The following GRIP1 variants were observed in gnomAD, a reference collection of about 807,000 sequenced individuals.
GRIP1 encodes the protein glutamate receptor-interacting protein 1.
Under a neutral mutation model 129.9 loss-of-function variants are expected in GRIP1, and 45 were observed. The ratio of observed to expected loss-of-function variants is 0.35; its 90% CI spans 0.27 to 0.44. The LOEUF (loss-of-function observed/expected upper bound fraction) is 0.44. Among genes scored for constraint, GRIP1 ranks in the 20% least tolerant of loss-of-function variants. GRIP1 has a pLI of 1.00. For missense variants in GRIP1, 1,196 were observed against 1,396.8 expected (o/e 0.86, Z 2.29); for synonymous variants, 530 against 520.8 (o/e 1.02, Z -0.24).
chr12:66,898,812 G>A (rs2137260577), intron 1 of GRIP1, among the ~76,000 whole-genome samples: 1 of 152,274 alleles, frequency 6.6e-6, no homozygotes, highest in Admixed American at 6.5e-5. Flanking sequence ...TAACTACCTT[G>A]AAATTACTCT....
At chr12:66,681,205 C>T (rs1467014991), upstream of GRIP1, among the ~76,000 whole-genome samples, 1 of 152,092 alleles carries the variant, frequency 6.6e-6, no homozygotes, top group Non-Finnish European at 1.5e-5. Flanking sequence ...ATGGAGCCTC[C>T]TGGAGTAATT....
At chr12:66,544,236 A>C (rs2061876127) in intron 2 of GRIP1, among the ~76,000 whole-genome samples, 2 of 152,316 alleles carry the variant, frequency 1.3e-5, no homozygotes, top group South Asian at 4.1e-4. Flanking sequence ...CCTAAGAGCT[A>C]ATTTTAATAA....
At chr12:66,938,207 C>T (rs1453982712) in intron 1 of GRIP1, among the ~76,000 whole-genome samples, 1 of 151,928 alleles carries the variant, frequency 6.6e-6, no homozygotes, top group East Asian at 1.9e-4. Flanking sequence ...GAAGCACTGT[C>T]TCTACTAAAA....
intron 2 of GRIP1, among the ~76,000 whole-genome samples, chr12:66,592,685 C>G (rs933258464): frequency 6.6e-6 from 1 of 152,168 alleles, no homozygotes; most frequent in Non-Finnish European, 1.5e-5. Flanking sequence ...GTGTAGTATC[C>G]TGTCTTCCCT....
chr12:66,889,216 T>G (rs911373563), intron 1 of GRIP1, among the ~76,000 whole-genome samples: 4 of 152,206 alleles, frequency 2.6e-5, no homozygotes, highest in Non-Finnish European at 4.4e-5. Flanking sequence ...TCCCAGCACC[T>G]TGGGAGGCCG....
intron 1 of GRIP1, among the ~76,000 whole-genome samples, chr12:66,744,633 G>A (rs966952837): frequency 6.6e-6 from 1 of 152,096 alleles, no homozygotes; most frequent in Non-Finnish European, 1.5e-5. Context: ...TTCATTGCCT[G>A]GTTCTCCTAG....
chr12:66,476,238 C>T (rs1379661603), intron 7 of GRIP1, among the ~76,000 whole-genome samples: 1 of 152,178 alleles, frequency 6.6e-6, no homozygotes, highest in Non-Finnish European at 1.5e-5. Context: ...CTATAAACAC[C>T]TCTATGCAAA....
At chr12:67,036,023 G>A (rs1363772151) in intron 1 of GRIP1, among the ~76,000 whole-genome samples, 1 of 152,118 alleles carries the variant, frequency 6.6e-6, no homozygotes, top group Non-Finnish European at 1.5e-5. Flanking sequence ...CTGGAAGGTT[G>A]ATGTAAATAT....
intron 1 of GRIP1, among the ~76,000 whole-genome samples, chr12:67,058,538 T>C (rs2043476031): frequency 6.6e-6 from 1 of 152,246 alleles, no homozygotes; most frequent in Non-Finnish European, 1.5e-5. Flanking sequence ...GCAATTACAC[T>C]ACTGACTATG....
At position 66,353,470 on chromosome 12, in the gene GRIP1, G is replaced by C; in HGVS notation, c.3106C>G (p.Pro1036Ala). 1 of 1,612,896 alleles carries C rather than the reference G, an allele frequency of 6.2e-7. No homozygotes were observed. The highest frequency in any genetic ancestry group is 8.5e-7 in the Non-Finnish European group (1 of 1,178,980). The change falls in exon 24 of 25, where the codon CCA becomes GCA. Residue 1036 changes from proline (P) to alanine (A), a missense_variant. This residue lies in a region of GRIP1 where 427 missense variants were observed against 463.3 expected (regional missense o/e 0.92). Transcript: ENST00000359742. ...EKGVYVKNIRPAGPGDLGGLK... is the reference protein window; with the variant it reads ...EKGVYVKNIRAAGPGDLGGLK... ...CCACCAAGATCTCCTGGCCCAGCTG[G>C]GCGAATATTTTTGACATACACTCCT...
intron 2 of GRIP1, among the ~76,000 whole-genome samples, chr12:66,582,212 A>G (rs1404007475): frequency 2.7e-5 from 4 of 149,682 alleles, no homozygotes; most frequent in African/African-American, 9.8e-5. Flanking sequence ...ACAACCCTTC[A>G]TGCTAAAAAC....
At chr12:66,532,960 A>C (rs2061500841) in intron 4 of GRIP1, among the ~76,000 whole-genome samples, 1 of 152,242 alleles carries the variant, frequency 6.6e-6, no homozygotes, top group Non-Finnish European at 1.5e-5. Flanking sequence ...ATTATAGGGC[A>C]GACTGTTTTT....
upstream of GRIP1, among the ~76,000 whole-genome samples, chr12:66,679,464 A>AAG (rs398044433): frequency 1.4e-5 from 2 of 144,492 alleles, no homozygotes; most frequent in African/African-American, 5.1e-5. Flanking sequence ...AAAAAAAAAA[A>AAG]GGAAAGAAAA....
intron 1 of GRIP1, among the ~76,000 whole-genome samples, chr12:66,952,200 C>G (rs2041769320): frequency 6.6e-6 from 1 of 151,942 alleles, no homozygotes; most frequent in Non-Finnish European, 1.5e-5. Context: ...GCAGAGCAGT[C>G]AGAGGAGCAG....
chr12:66,609,229 C>T (rs374773191), intron 1 of GRIP1, among the ~76,000 whole-genome samples: 4 of 151,930 alleles, frequency 2.6e-5, no homozygotes, highest in African/African-American at 4.8e-5. Context: ...TTCCCAATGT[C>T]GCCACACTGC....
chr12:66,477,940 G>A (rs1434619464), intron 7 of GRIP1, among the ~76,000 whole-genome samples: 3 of 151,196 alleles, frequency 2.0e-5, no homozygotes, highest in Non-Finnish European at 4.4e-5. Flanking sequence ...AGAAAACCTA[G>A]GCAATACCAT....
intron 8 of GRIP1, among the ~76,000 whole-genome samples, chr12:66,463,369 A>G (rs910062835): frequency 1.3e-5 from 2 of 152,018 alleles, no homozygotes; most frequent in African/African-American, 4.8e-5. Context: ...GCTTGTGTGG[A>G]AAGTTGAGGG....
intron 5 of GRIP1, among the ~76,000 whole-genome samples, chr12:66,519,545 G>C (rs1183321165): frequency 6.6e-6 from 1 of 152,096 alleles, no homozygotes; most frequent in Non-Finnish European, 1.5e-5. Flanking sequence ...ATGTAATATC[G>C]AATGCTTGTT....
intron 1 of GRIP1, among the ~76,000 whole-genome samples, chr12:66,789,308 CA>C (rs1253702706): frequency 6.6e-6 from 1 of 152,066 alleles, no homozygotes; most frequent in Non-Finnish European, 1.5e-5. Context: ...GAGAAAATCC[CA>C]TAAGATTTGG....
Sources: gnomAD v4.1 joint callset for allele counts (sites outside exome capture counted in the v4.1 genomes callset) on GRCh38, gnomAD v4.1.1 for gene constraint, gnomAD v4.1.1 regional missense constraint, MANE v1.5 for transcripts, NCBI Gene and HGNC (gene_info 2026-07-23, HGNC 2026-07-21) for gene names.